The following RPS18 variants were observed in gnomAD, a reference collection of about 807,000 sequenced individuals.
RPS18 encodes small ribosomal subunit protein uS13.
For missense variants in RPS18, 49 were observed against 200.8 expected, an observed-to-expected ratio of 0.24 and a Z score of 4.57; for synonymous variants, 64 against 70.9, an observed-to-expected ratio of 0.90 and a Z score of 0.49.
chr6:33,273,818 G>C, intron 2 of RPS18, among the ~76,000 whole-genome samples: 1 of 152,186 alleles, frequency 6.6e-6, no homozygotes, highest in Admixed American at 6.5e-5. Context: ...TGGCTCACTC[G>C]GAGGCTGAAG....
At chr6:33,275,922 CAGAA>C (rs1240610183) in intron 3 of RPS18, 39 bp downstream of exon 3, 1 of 1,607,396 alleles carries the variant, frequency 6.2e-7, no homozygotes, top group South Asian at 1.1e-5. Context: ...GGGTCAGCCT[CAGAA>C]AGGGGTCCAT....
intron 2 of RPS18, among the ~76,000 whole-genome samples, chr6:33,274,181 G>T (rs1166737534): frequency 7.2e-5 from 11 of 152,208 alleles, no homozygotes; most frequent in Admixed American, 3.3e-4. Flanking sequence ...GCCTCCCAAA[G>T]TGCTGGGATT....
At position 33,272,095 on chromosome 6, in the gene RPS18, A is replaced by C. The variant is rs772508528; in HGVS notation, c.-25A>C. 9.6e-6 allele frequency: 15 copies of C among 1,565,980 alleles called. No homozygotes were observed. Among genetic ancestry groups the C allele is most frequent in the Non-Finnish European group, 1.2e-5 (14 of 1,155,168 alleles). On this transcript the variant is annotated 5_prime_UTR_variant, in exon 1 of 6. Transcript: ENST00000439602. ...CCGCTCTCTCTTCCACAGGAGGCCTACACGCCGCCGCTTGTGCTGCAGCCA... is the reference window on the plus strand; with the variant it reads ...CCGCTCTCTCTTCCACAGGAGGCCTCCACGCCGCCGCTTGTGCTGCAGCCA...
At chr6:33,275,628 C>T (rs1765578234) in intron 2 of RPS18, 169 bp from the exon 3 acceptor site, 2 of 664,632 alleles carry the variant, frequency 3.0e-6, no homozygotes, top group Non-Finnish European at 5.5e-6. Flanking sequence ...CCAAAGTTAA[C>T]CTTCTGTCGA....
At chr6:33,273,993 C>T (rs528492439) in intron 2 of RPS18, among the ~76,000 whole-genome samples, 9 of 152,332 alleles carry the variant, frequency 5.9e-5, no homozygotes, top group South Asian at 2.1e-4. Context: ...AGTCTCACCC[C>T]GTCACCCAGG....
chr6:33,274,269 C>A (rs1279870863), intron 2 of RPS18, among the ~76,000 whole-genome samples: 1 of 152,172 alleles, frequency 6.6e-6, no homozygotes, highest in East Asian at 1.9e-4. Context: ...AATCACTCTT[C>A]ACTGCAGCCT....
intron 2 of RPS18, chr6:33,275,182 A>G (rs1056773718): frequency 6.5e-6 from 1 of 154,324 alleles, no homozygotes; most frequent in Non-Finnish European, 1.5e-5. Context: ...TTGTTCTCCT[A>G]AATGCAAGAA....
intron 1 of RPS18, chr6:33,272,339 T>G (rs6930878): frequency 0.016 from 9,776 of 617,346 alleles, 725 homozygotes; most frequent in African/African-American, 0.16. Flanking sequence ...GTCTAAGGCT[T>G]GGGCGTATAT....
At chr6:33,276,105 G>A in intron 4 of RPS18, 39 bp downstream of exon 4, 2 of 1,604,714 alleles carry the variant, frequency 1.2e-6, no homozygotes, top group Non-Finnish European at 1.7e-6. Flanking sequence ...AGGAAGGGTG[G>A]AGGGTCCTAA....
At chr6:33,272,531 A>G in intron 1 of RPS18, 97 bp from the exon 2 acceptor site, 3 of 762,262 alleles carry the variant, frequency 3.9e-6, no homozygotes, top group Non-Finnish European at 7.3e-6. Flanking sequence ...CTTGTGTGAC[A>G]GGCTTAACCT....
chr6:33,275,270 T>C (rs1765548784), intron 2 of RPS18: 1 of 157,062 alleles, frequency 6.4e-6, no homozygotes, highest in South Asian at 1.8e-4. Flanking sequence ...CAAAGGGTTG[T>C]CTGTAATACT....
chr6:33,276,116 C>G, intron 4 of RPS18, 50 bp downstream of exon 4: 3 of 1,605,138 alleles, frequency 1.9e-6, no homozygotes, highest in Non-Finnish European at 2.6e-6. Context: ...AGGGTCCTAA[C>G]AGAATTGGGC....
In RPS18 at chr6:33,272,094, T is replaced by C; in HGVS notation, c.-26T>C. ...TCCGCTCTCTCTTCCACAGGAGGCC[T>C]ACACGCCGCCGCTTGTGCTGCAGCC... On this transcript the variant is annotated 5_prime_UTR_variant, in exon 1 of 6. Transcript: ENST00000439602. 6.4e-7 allele frequency: 1 copy of C among 1,566,008 alleles called. No homozygotes were observed. The highest frequency in any genetic ancestry group is 8.7e-7 in the Non-Finnish European group (1 of 1,155,168).
At chr6:33,273,958 T>C (rs1429118493) in intron 2 of RPS18, among the ~76,000 whole-genome samples, 8 of 151,336 alleles carry the variant, frequency 5.3e-5, no homozygotes, top group Non-Finnish European at 1.0e-4. Context: ...CCCTTGGTCA[T>C]GTTTATTTAT....
chr6:33,273,478 T>G (rs1378932729), intron 2 of RPS18, among the ~76,000 whole-genome samples: 1 of 152,144 alleles, frequency 6.6e-6, no homozygotes, highest in East Asian at 1.9e-4. Flanking sequence ...CTTCTTGGCT[T>G]CTGTTGCATG....
chr6:33,275,648 A>C, intron 2 of RPS18, 149 bp from the exon 3 acceptor site: 1 of 707,692 alleles, frequency 1.4e-6, no homozygotes. Flanking sequence ...AACGGTTTAT[A>C]TCTGGAAAGG....
At position 33,272,624 on chromosome 6, in the gene RPS18, C is replaced by T. The variant is rs763032468; in HGVS notation, c.4-4C>T. On this transcript the variant is annotated splice_polypyrimidine_tract_variant and splice_region_variant and intron_variant, in intron 1 of 5. Transcript: ENST00000439602. The stretch of plus-strand genomic sequence containing the variant: ...GATTTCTTCCCCCGTACTTTTTCAA[C>T]TAGTCTCTAGTGATCCCTGAAAAGT... 123 of 1,307,222 alleles carry T rather than the reference C, an allele frequency of 9.4e-5. 1 individual carries two copies. Among genetic ancestry groups the T allele is most frequent in the Admixed American group, 3.9e-4 (23 of 59,652 alleles). The allele number at this position is 1,307,222 out of a possible 1,614,324, so 81.0% of individuals were successfully genotyped here. A position where few individuals can be genotyped will look rare whatever the true frequency, so the allele number is the denominator to read the frequency against.
At chr6:33,275,658 G>A in intron 2 of RPS18, 139 bp from the exon 3 acceptor site, 1 of 719,878 alleles carries the variant, frequency 1.4e-6, no homozygotes, top group Non-Finnish European at 2.5e-6. Context: ...ATCTGGAAAG[G>A]TGGGTGAGGA....
chr6:33,276,089 G>A, intron 4 of RPS18, 23 bp downstream of exon 4: 1 of 1,609,206 alleles, frequency 6.2e-7, no homozygotes, highest in South Asian at 1.1e-5. Context: ...ATGAGGGCAG[G>A]ATTAGAGGAA....
Sources: gnomAD v4.1 joint callset for allele counts (sites outside exome capture counted in the v4.1 genomes callset) on GRCh38, gnomAD v4.1.1 for gene constraint, MANE v1.5 for transcripts, NCBI Gene and HGNC (gene_info 2026-07-23, HGNC 2026-07-21) for gene names.